Variants in NXPH1 observed in about 807,000 individuals in gnomAD.
The protein encoded by NXPH1 is neurexophilin-1.
In NXPH1, 5 loss-of-function variants were observed where a neutral mutation model predicts 23.7. The observed-to-expected ratio is 0.21, with a 90% CI of 0.11 to 0.44. The LOEUF is 0.44. NXPH1 is among the 20% of genes least tolerant of loss of function. The pLI is 0.99. For synonymous variants in NXPH1, 144 were observed against 122.2 expected, an observed-to-expected ratio of 1.18 and a Z score of -1.18; for missense variants, 324 against 321.6, an observed-to-expected ratio of 1.01 and a Z score of -0.06.
At chr7:8,703,451 GC>G (rs1240782209) in intron 2 of NXPH1, among the ~76,000 whole-genome samples, 1 of 152,046 alleles carries the variant, frequency 6.6e-6, no homozygotes, top group Non-Finnish European at 1.5e-5. Flanking sequence ...ATAATGGTAT[GC>G]TTGTTATCAG....
intron 2 of NXPH1, among the ~76,000 whole-genome samples, chr7:8,519,663 T>C (rs1817738541): frequency 6.6e-6 from 1 of 152,204 alleles, no homozygotes; most frequent in African/African-American, 2.4e-5. Flanking sequence ...CTTCTCTCTC[T>C]CCCTCACCGC....
intron 2 of NXPH1, among the ~76,000 whole-genome samples, chr7:8,525,203 G>C (rs556118381): frequency 3.9e-5 from 6 of 152,340 alleles, no homozygotes; most frequent in African/African-American, 1.4e-4. Flanking sequence ...CTCTTGTTAT[G>C]TTTTAGCAAA....
rs114084952 is a variant in NXPH1, at chr7:8,456,397, T to A, written c.54+20630T>A. ...AATGTTACAATAATTTCAGCAATTT[T>A]ACAATATAATCTGTCTATCTCTGTA... On this transcript the variant is annotated intron_variant, in intron 2 of 2. Transcript: ENST00000405863. Among the ~76,000 whole-genome samples, 783 of 152,326 alleles carry A rather than the reference T, an allele frequency of 5.1e-3. 6 individuals are homozygous for A. The highest frequency in any genetic ancestry group is 0.018 in the African/African-American group (755 of 41,586).
intron 2 of NXPH1, among the ~76,000 whole-genome samples, chr7:8,623,262 G>T (rs536612876): frequency 6.6e-6 from 1 of 152,252 alleles, no homozygotes; most frequent in African/African-American, 2.4e-5. Context: ...GAGAAGAGTA[G>T]AGACAAAGGT....
intron 2 of NXPH1, among the ~76,000 whole-genome samples, chr7:8,732,302 C>T (rs12535188): frequency 0.14 from 21,565 of 152,262 alleles, 1,630 homozygotes; most frequent in South Asian, 0.19. Flanking sequence ...CACCTGTCTT[C>T]TGTGTCGCTC....
chr7:8,659,179 A>C (rs1820630176), intron 2 of NXPH1, among the ~76,000 whole-genome samples: 1 of 145,438 alleles, frequency 6.9e-6, no homozygotes, highest in African/African-American at 2.5e-5. Flanking sequence ...TAACAACTTA[A>C]AAAGGAAGAT....
chr7:8,464,923 C>T (rs1363985323), intron 2 of NXPH1, among the ~76,000 whole-genome samples: 1 of 152,166 alleles, frequency 6.6e-6, no homozygotes, highest in Admixed American at 6.5e-5. Flanking sequence ...GTAGTTTAGA[C>T]TGTGGACTTT....
At chr7:8,482,237 G>A (rs1817086194) in intron 2 of NXPH1, among the ~76,000 whole-genome samples, 1 of 152,186 alleles carries the variant, frequency 6.6e-6, no homozygotes, top group South Asian at 2.1e-4. Context: ...CCAAATGAGT[G>A]TGTGGAATCT....
At chr7:8,585,576 C>T (rs1414564163) in intron 2 of NXPH1, among the ~76,000 whole-genome samples, 2 of 152,122 alleles carry the variant, frequency 1.3e-5, no homozygotes, top group Non-Finnish European at 2.9e-5. Flanking sequence ...TGAAGTGTCT[C>T]GTATCTAAGA....
At chr7:8,716,925 G>A (rs1314711548) in intron 2 of NXPH1, among the ~76,000 whole-genome samples, 2 of 152,118 alleles carry the variant, frequency 1.3e-5, no homozygotes, top group Non-Finnish European at 2.9e-5. Context: ...CTAATGCACA[G>A]TATCTAAAGG....
intron 2 of NXPH1, among the ~76,000 whole-genome samples, chr7:8,497,629 T>C (rs1817360247): frequency 6.6e-6 from 1 of 152,206 alleles, no homozygotes; most frequent in East Asian, 1.9e-4. Flanking sequence ...TGAGCATTTT[T>C]TCATGTGTCT....
At chr7:8,661,527 A>G (rs899075804) in intron 2 of NXPH1, among the ~76,000 whole-genome samples, 1 of 152,170 alleles carries the variant, frequency 6.6e-6, no homozygotes, top group East Asian at 1.9e-4. Flanking sequence ...AGTGGTAAGC[A>G]GAAAAGAGGG....
intron 2 of NXPH1, among the ~76,000 whole-genome samples, chr7:8,464,776 CTAT>C: frequency 6.6e-6 from 1 of 151,946 alleles, no homozygotes; most frequent in South Asian, 2.1e-4. Flanking sequence ...TACTTGAATA[CTAT>C]TATTGATAGC....
At chr7:8,726,666 C>G (rs1290875704) in intron 2 of NXPH1, among the ~76,000 whole-genome samples, 6 of 149,840 alleles carry the variant, frequency 4.0e-5, no homozygotes, top group Admixed American at 4.0e-4. Context: ...GACATGAACT[C>G]ATCATTTTTT....
chr7:8,733,027 A>G (rs557976931), intron 2 of NXPH1, among the ~76,000 whole-genome samples: 2 of 151,730 alleles, frequency 1.3e-5, no homozygotes, highest in South Asian at 2.1e-4. Context: ...TCCCTCCCCT[A>G]GCCCCCTACT....
intron 2 of NXPH1, among the ~76,000 whole-genome samples, chr7:8,501,645 A>G (rs912276283): frequency 1.8e-4 from 27 of 152,116 alleles, no homozygotes; most frequent in African/African-American, 6.0e-4. Context: ...GAATAAATTA[A>G]GACTGGGAAT....
At chr7:8,445,126 C>T (rs1816376966) in intron 2 of NXPH1, among the ~76,000 whole-genome samples, 1 of 152,214 alleles carries the variant, frequency 6.6e-6, no homozygotes, top group African/African-American at 2.4e-5. Flanking sequence ...ATTTATGTAG[C>T]ATGCTGAGAA....
Position 8,735,507 on chromosome 7 carries a change from A to G in NXPH1, c.55-15501A>G, listed in dbSNP as rs530054598. On this transcript the variant is annotated intron_variant, in intron 2 of 2. Transcript: ENST00000405863. ...GAAGCCGACTTGATCATGGTGGATA[A>G]GCTTTTGGATGTGCTGCTGCATTTG... Among the ~76,000 whole-genome samples the G allele has an allele frequency of 1.4e-4, 21 of 152,268 alleles. No individual in the cohort carries two copies. The East Asian group carries it at 4.1e-3, about 29-fold the overall frequency.
At chr7:8,509,628 TG>T (rs1817582616) in intron 2 of NXPH1, among the ~76,000 whole-genome samples, 2 of 152,042 alleles carry the variant, frequency 1.3e-5, no homozygotes, top group Non-Finnish European at 2.9e-5. Flanking sequence ...GGATCTACAG[TG>T]GGCAGAAGCT....
Sources: gnomAD v4.1 joint callset for allele counts (sites outside exome capture counted in the v4.1 genomes callset) on GRCh38, gnomAD v4.1.1 for gene constraint, MANE v1.5 for transcripts, NCBI Gene and HGNC (gene_info 2026-07-23, HGNC 2026-07-21) for gene names.